HERC2: variants seen among roughly 807,000 people sequenced by gnomAD.
HERC2 encodes E3 ubiquitin-protein ligase HERC2.
HERC2 carries 102 observed loss-of-function variants against 537.7 expected under a neutral mutation model. The observed-to-expected ratio is 0.19, with a 90% CI of 0.16 to 0.22. The LOEUF is 0.22. HERC2 is among the 10% of genes least tolerant of loss of function. The probability of loss-of-function intolerance (pLI) is 1.00; values close to 1 mark genes in which losing one functional copy is unlikely to be tolerated. For synonymous variants in HERC2, 2,224 were observed against 2,466.2 expected, an observed-to-expected ratio of 0.90 and a Z score of 2.91; for missense variants, 4,236 against 6,198.2, an observed-to-expected ratio of 0.68 and a Z score of 10.63.
intron 45 of HERC2, among the ~76,000 whole-genome samples, chr15:28,204,197 C>A (rs1412347732): frequency 1.3e-5 from 2 of 152,112 alleles, no homozygotes; most frequent in Admixed American, 6.5e-5. Flanking sequence ...TGAAGGACAA[C>A]AACCAATAAC....
chr15:28,314,735 C>A (rs1322192722), intron 2 of HERC2, among the ~76,000 whole-genome samples: 4 of 151,974 alleles, frequency 2.6e-5, no homozygotes, highest in Non-Finnish European at 4.4e-5. Flanking sequence ...ATGGTACACG[C>A]CTGTAATCCC....
intron 23 of HERC2, among the ~76,000 whole-genome samples, chr15:28,242,501 T>C (rs1903232492): frequency 6.6e-6 from 1 of 152,222 alleles, no homozygotes; most frequent in Non-Finnish European, 1.5e-5. Flanking sequence ...GGACCTATCT[T>C]CTTCCTGAAT....
rs767209808 is a variant in HERC2 at position 28,130,229 on chromosome 15, A to G, written c.12736T>C (p.Leu4246=). The part of the protein sequence containing the change: ...HVRRPRQVQG[L]QGKKVIAIAT... ...ATGGCGATGACTTTCTTCCCCTGCA[A>G]CCCTTGGACCTGCCGAGGCCTTCGA... The change falls in exon 83 of 93, where the codon TTG becomes CTG. Residue 4246 remains leucine, a synonymous_variant. Transcript: ENST00000261609. The G allele has an allele frequency of 5.0e-6, 8 of 1,614,100 alleles. No homozygotes were observed. The Admixed American group carries it at 1.2e-4, about 24-fold the overall frequency.
chr15:28,303,918 C>T (rs1379940724), intron 2 of HERC2, among the ~76,000 whole-genome samples: 1 of 152,148 alleles, frequency 6.6e-6, no homozygotes, highest in Non-Finnish European at 1.5e-5. Flanking sequence ...GTAATCCCAG[C>T]ACTTTGGGAG....
chr15:28,286,080 G>T (rs1373978479), intron 4 of HERC2, among the ~76,000 whole-genome samples: 1 of 151,902 alleles, frequency 6.6e-6, no homozygotes, highest in Non-Finnish European at 1.5e-5. Flanking sequence ...GAACTCACTG[G>T]ATAATTCCAT....
rs926482881 is a variant in HERC2 at position 28,124,194 on chromosome 15, A to G, written c.13031T>C (p.Ile4344Thr). The G allele has an allele frequency of 2.0e-5, 31 of 1,544,766 alleles. No individual in the cohort carries two copies. The highest frequency in any genetic ancestry group is 2.5e-5 in the Non-Finnish European group (28 of 1,142,170). The change falls in exon 85 of 93, where the codon ATT (isoleucine) becomes ACT (threonine). Residue 4344 changes from isoleucine to threonine, a missense_variant. Ile to Thr is a moderately conservative substitution (Grantham distance 89, BLOSUM62 -1). Transcript: ENST00000261609. ...EYNHLQEIPIIALRNRLLLLH... is the reference protein window; with the variant it reads ...EYNHLQEIPITALRNRLLLLH... ...CAGCAGCAGACGGTTCCTCAGCGCA[A>G]TGATGGGGATCTCCTGCAGGTGATT... is the stretch of plus-strand genomic sequence containing the variant.
chr15:28,115,262 A>AT (rs11375781), intron 89 of HERC2, 167 bp downstream of exon 89: 216,773 of 381,592 alleles, frequency 0.57, 50,986 homozygotes, highest in Admixed American at 0.71. Flanking sequence ...TAGATGGTCT[A>AT]TTTTTTTTTT....
chr15:28,272,264 T>C lies in HERC2; in HGVS notation c.1034A>G (p.Gln345Arg), dbSNP rs750515689. 1.2e-6 allele frequency: 2 copies of C among 1,612,058 alleles called. No homozygotes were observed. The highest frequency in any genetic ancestry group is 3.3e-5 in the Admixed American group (2 of 59,810). Residue 345 changes from glutamine (Q) to arginine (R), a missense_variant, in exon 9 of 93, where the codon CAG (glutamine) becomes CGG (arginine). Around this residue, in one of 27 missense-constraint regions of HERC2, gnomAD observed 491 missense variants for 559.3 expected, o/e 0.88. Coordinates refer to ENST00000261609, the MANE Select transcript of HERC2 (RefSeq NM_004667.6). ...TGCATCCTTCCTGCAAATGATGCTC[T>C]GGAACCTTTGCAGCAAGGGCAAAAG... ...APLLPLLQRF[Q>R]SIICRKDAPH...
chr15:28,235,811 C>T (rs1902375705), intron 26 of HERC2, among the ~76,000 whole-genome samples: 1 of 152,204 alleles, frequency 6.6e-6, no homozygotes, highest in Non-Finnish European at 1.5e-5. Context: ...TCCTGAACAC[C>T]TCGCATGGTA....
At chr15:28,173,190 G>A (rs6497283) in intron 65 of HERC2, among the ~76,000 whole-genome samples, 20,211 of 152,120 alleles carry the variant, frequency 0.13, 4,512 homozygotes, top group African/African-American at 0.46. Context: ...ACGTACACCT[G>A]CCATATGATC....
intron 4 of HERC2, among the ~76,000 whole-genome samples, chr15:28,286,090 T>C (rs1377029847): frequency 6.6e-6 from 1 of 151,916 alleles, no homozygotes; most frequent in East Asian, 1.9e-4. Flanking sequence ...GATAATTCCA[T>C]CAAACATTAA....
chr15:28,251,417 T>C (rs2075075601), intron 20 of HERC2, among the ~76,000 whole-genome samples: 1 of 147,620 alleles, frequency 6.8e-6, no homozygotes, highest in Non-Finnish European at 1.5e-5. Context: ...CACTCCAGTC[T>C]GGGCAACAGA....
At chr15:28,125,646 C>T (rs1889395626) in intron 83 of HERC2, among the ~76,000 whole-genome samples, 1 of 152,068 alleles carries the variant, frequency 6.6e-6, no homozygotes, top group African/African-American at 2.4e-5. Context: ...GCATGCGAAA[C>T]AGAAAAGAAA....
chr15:28,132,563 T>C, intron 80 of HERC2, 90 bp downstream of exon 80: 12 of 1,247,464 alleles, frequency 9.6e-6, no homozygotes, highest in Non-Finnish European at 1.3e-5. Flanking sequence ...GCCAAAGCAT[T>C]TTTCATAACA....
chr15:28,229,938 C>T (rs1428629068), intron 31 of HERC2, 91 bp from the exon 32 acceptor site: 1 of 890,254 alleles, frequency 1.1e-6, no homozygotes, highest in African/African-American at 1.7e-5. Context: ...ATAAATAATG[C>T]TCATAGGTTT....
chr15:28,159,364 T>G (rs1378494912), intron 69 of HERC2, among the ~76,000 whole-genome samples: 1 of 152,240 alleles, frequency 6.6e-6, no homozygotes, highest in African/African-American at 2.4e-5. Flanking sequence ...CCCATCACTT[T>G]CAGGTGCACC....
chr15:28,214,841 A>ACTGC, intron 39 of HERC2, 39 bp from the exon 40 acceptor site: 5 of 1,532,628 alleles, frequency 3.3e-6, no homozygotes, highest in African/African-American at 1.4e-5. Flanking sequence ...CATTAAAAAA[A>ACTGC]ATCTGATGAG....
chr15:28,173,540 C>T (rs1025859071), intron 65 of HERC2, among the ~76,000 whole-genome samples: 5 of 151,980 alleles, frequency 3.3e-5, no homozygotes, highest in South Asian at 2.1e-4. Flanking sequence ...GGCTCCTGCC[C>T]ATAATCCCAG....
intron 68 of HERC2, among the ~76,000 whole-genome samples, chr15:28,166,395 A>G (rs1165200226): frequency 2.6e-5 from 4 of 152,228 alleles, no homozygotes; most frequent in Non-Finnish European, 5.9e-5. Context: ...TTGGGCTGTT[A>G]ATGGTTTTTA....
Sources: gnomAD v4.1 joint callset for allele counts (sites outside exome capture counted in the v4.1 genomes callset) on GRCh38, gnomAD v4.1.1 for gene constraint, gnomAD v4.1.1 regional missense constraint, MANE v1.5 for transcripts, NCBI Gene and HGNC (gene_info 2026-07-23, HGNC 2026-07-21) for gene names.